CTNNA2: variants seen among roughly 807,000 people sequenced by gnomAD.
CTNNA2 encodes the protein catenin alpha-2.
Under a neutral mutation model 101.0 loss-of-function variants are expected in CTNNA2, and 42 were observed. The ratio of observed to expected loss-of-function variants is 0.42; its 90% CI spans 0.32 to 0.54. The LOEUF is 0.54. Among genes scored for constraint, CTNNA2 ranks in the 20% least tolerant of loss-of-function variants. The pLI is 0.14. For synonymous variants in CTNNA2, 450 were observed against 456.4 expected (o/e 0.99, Z 0.18); for missense variants, 871 against 1,223.1 (o/e 0.71, Z 4.29).
chr2:79,767,311 G>A (rs973343565), intron 3 of CTNNA2, among the ~76,000 whole-genome samples: 2 of 151,962 alleles, frequency 1.3e-5, no homozygotes, highest in Non-Finnish European at 2.9e-5. Context: ...ATCTGTCTGA[G>A]GGGTCACATG....
At chr2:79,957,342 T>C (rs1689308640) in intron 7 of CTNNA2, among the ~76,000 whole-genome samples, 1 of 152,180 alleles carries the variant, frequency 6.6e-6, no homozygotes, top group South Asian at 2.1e-4. Flanking sequence ...GCATCTTCCA[T>C]GTCTCTTTGC....
At chr2:79,813,693 A>G (rs1677228889) in intron 3 of CTNNA2, among the ~76,000 whole-genome samples, 1 of 152,184 alleles carries the variant, frequency 6.6e-6, no homozygotes, top group Non-Finnish European at 1.5e-5. Flanking sequence ...AGGAGCAAAT[A>G]GGACCCTCAG....
Position 80,302,204 on chromosome 2 carries a change from T to G in CTNNA2, c.1057-91007T>G, listed in dbSNP as rs748880856. 6.3e-7 allele frequency: 1 copy of G among 1,575,972 alleles called. No individual in the cohort carries two copies. Among genetic ancestry groups the G allele is most frequent in the Non-Finnish European group, 8.6e-7 (1 of 1,160,234 alleles). ...CTGGTGCCCGCCGGCCCGTCCCGGC[T>G]GCCCAGGCGTATTTGGTAGCGCATG... On this transcript the variant is annotated intron_variant, in intron 7 of 18. Coordinates refer to ENST00000402739, the MANE Select transcript of CTNNA2 (RefSeq NM_001282597.3). This position sits in a 1 kb window ranked among gnomAD's most constrained non-coding sequence, Gnocchi z 6.4.
At chr2:79,740,497 A>G (rs908746860) in intron 2 of CTNNA2, among the ~76,000 whole-genome samples, 5 of 152,174 alleles carry the variant, frequency 3.3e-5, no homozygotes, top group African/African-American at 1.2e-4. Context: ...TGCATTTTCT[A>G]GACTGAGACT....
chr2:79,473,841 T>C (rs980527329), intron 4 of CTNNA2, among the ~76,000 whole-genome samples: 25 of 152,098 alleles, frequency 1.6e-4, no homozygotes, highest in African/African-American at 6.0e-4. Flanking sequence ...AGAAGTTAAA[T>C]AAAATATACT....
chr2:80,012,246 A>T (rs865977966), intron 7 of CTNNA2, among the ~76,000 whole-genome samples: 1 of 152,302 alleles, frequency 6.6e-6, no homozygotes, highest in Middle Eastern at 3.4e-3. Context: ...ATGAGAGGAA[A>T]CCCAGCAGTT....
intron 3 of CTNNA2, among the ~76,000 whole-genome samples, chr2:79,372,553 A>G (rs1186276948): frequency 6.6e-6 from 1 of 152,196 alleles, no homozygotes; most frequent in Non-Finnish European, 1.5e-5. Flanking sequence ...ATTGAAAGAA[A>G]ACTAAAAGAT....
At chr2:80,292,470 C>A (rs1050319679) in intron 7 of CTNNA2, among the ~76,000 whole-genome samples, 35 of 152,082 alleles carry the variant, frequency 2.3e-4, no homozygotes, top group Non-Finnish European at 1.6e-4. Flanking sequence ...GCTAATACTA[C>A]TCTGAACGAG....
At position 80,574,399 on chromosome 2, in the gene CTNNA2, T is replaced by C. The variant is rs2276661; in HGVS notation, c.1893+85T>C. The C allele has an allele frequency of 0.17, 238,730 of 1,406,612 alleles. 20,673 individuals are homozygous for C. The highest frequency in any genetic ancestry group is 0.22 in the South Asian group (11,986 of 55,138). 87.1% of individuals were successfully genotyped at this position (1,406,612 alleles called of 1,614,324 possible). ...TAACTGTCTTATTTATTATTTATTT[T>C]GTAATTACTGAGTTTAACTTGGTAA... On this transcript the variant is annotated intron_variant, in intron 13 of 18. Transcript: ENST00000402739.
At chr2:79,546,488 T>C (rs1673738646) in intron 1 of CTNNA2, among the ~76,000 whole-genome samples, 1 of 152,176 alleles carries the variant, frequency 6.6e-6, no homozygotes, top group Non-Finnish European at 1.5e-5. Flanking sequence ...GTTATAAAAA[T>C]GTAATTTCCT....
Position 79,271,433 on chromosome 2 carries a change from G to T in CTNNA2, c.-405-41276G>T, listed in dbSNP as rs76521099. 2.0e-3 allele frequency among the ~76,000 whole-genome samples: 307 copies of T among 152,176 alleles called. 1 individual carries two copies. The highest frequency in any genetic ancestry group is 7.2e-3 in the African/African-American group (298 of 41,540). On this transcript the variant is annotated intron_variant, in intron 2 of 21. Coordinates refer to the CTNNA2 transcript ENST00000466387. ...TGGAAAGACTGATAGCGAGAGAGCTGTTTACTGGCCATAGCACAGGGACAG... is the reference window on the plus strand; with the variant it reads ...TGGAAAGACTGATAGCGAGAGAGCTTTTTACTGGCCATAGCACAGGGACAG...
intron 7 of CTNNA2, among the ~76,000 whole-genome samples, chr2:80,101,864 T>A (rs762668573): frequency 2.0e-5 from 3 of 152,160 alleles, no homozygotes; most frequent in Non-Finnish European, 4.4e-5. Context: ...CACTTCCTCT[T>A]CACCAGGTTG....
chr2:79,477,808 TA>T (rs1220741987), intron 4 of CTNNA2, among the ~76,000 whole-genome samples: 7 of 152,190 alleles, frequency 4.6e-5, no homozygotes, highest in Admixed American at 2.0e-4. Flanking sequence ...CATGGGAATT[TA>T]TGTAACCAGT....
chr2:80,195,241 A>G (rs2149004835), intron 7 of CTNNA2, among the ~76,000 whole-genome samples: 1 of 152,304 alleles, frequency 6.6e-6, no homozygotes, highest in East Asian at 1.9e-4. Context: ...CAATAGGACT[A>G]TAAGCATGTT....
At chr2:79,205,377 A>G (rs1381889549) in intron 2 of CTNNA2, among the ~76,000 whole-genome samples, 2 of 152,194 alleles carry the variant, frequency 1.3e-5, no homozygotes, top group Non-Finnish European at 2.9e-5. Context: ...GAAAGATAAC[A>G]ATCATAAACA....
chr2:80,236,316 A>C lies in CTNNA2; in HGVS notation c.1057-156895A>C, dbSNP rs1052330694. 2.0e-5 allele frequency among the ~76,000 whole-genome samples: 3 copies of C among 152,120 alleles called. No individual in the cohort carries two copies. In the East Asian group the frequency reaches 5.8e-4, roughly 29 times the overall value. ...TGGTAGAGTGATTTGTATTCCTCTG[A>C]GTATATACCCATTAATGGGATTGCT... On this transcript the variant is annotated intron_variant, in intron 7 of 18. Transcript: ENST00000402739.
chr2:79,449,117 C>G (rs1375825468), intron 4 of CTNNA2, among the ~76,000 whole-genome samples: 1 of 151,840 alleles, frequency 6.6e-6, no homozygotes, highest in Non-Finnish European at 1.5e-5. Context: ...CCACTCCCCC[C>G]AAAAAGGGGT....
chr2:79,793,734 C>T (rs1457166711), intron 3 of CTNNA2, among the ~76,000 whole-genome samples: 2 of 152,122 alleles, frequency 1.3e-5, no homozygotes, highest in Non-Finnish European at 2.9e-5. Context: ...AAATCTTAGC[C>T]TCCTTCACCA....
chr2:79,688,171 A>T (rs1190873423), intron 2 of CTNNA2, among the ~76,000 whole-genome samples: 2 of 152,118 alleles, frequency 1.3e-5, no homozygotes, highest in Non-Finnish European at 2.9e-5. Flanking sequence ...TTCTAGAAAT[A>T]TGAAGTTTCT....
Sources: gnomAD v4.1 joint callset for allele counts (sites outside exome capture counted in the v4.1 genomes callset) on GRCh38, gnomAD v4.1.1 for gene constraint, Gnocchi (gnomAD v3.1) non-coding constraint, MANE v1.5 for transcripts, NCBI Gene and HGNC (gene_info 2026-07-23, HGNC 2026-07-21) for gene names.